The following CPS1 variants were observed in gnomAD, a reference collection of about 807,000 sequenced individuals.
CPS1 encodes the protein carbamoyl-phosphate synthase 1.
In CPS1, 109 loss-of-function variants were observed where a neutral mutation model predicts 174.6. That is an observed-to-expected ratio of 0.62 (90% CI 0.53 to 0.73). CPS1 has a LOEUF of 0.73. CPS1 is among the 30% of genes least tolerant of loss of function. The pLI is 0.00. For missense variants in CPS1, 1,689 were observed against 1,821.9 expected, an observed-to-expected ratio of 0.93 and a Z score of 1.33; for synonymous variants, 637 against 632.0, an observed-to-expected ratio of 1.01 and a Z score of -0.12.
Position 210,606,938 on chromosome 2 carries a change from C to T in CPS1, c.2189C>T (p.Thr730Ile). ...AGCTCTGCTCTGGCCTCAAAAGCCACTGGGTAAGACCAGAATAATTGACCA... is the reference window on the plus strand; with the variant it reads ...AGCTCTGCTCTGGCCTCAAAAGCCATTGGGTAAGACCAGAATAATTGACCA... Reference protein sequence around the residue: ...SRSSALASKATGYPLAFIAAK... With the variant: ...SRSSALASKAIGYPLAFIAAK... The change falls in exon 18 of 38, where the codon ACT becomes ATT. Residue 730 changes from threonine (T) to isoleucine (I), a missense_variant. Thr to Ile is a moderately conservative substitution (Grantham distance 89, BLOSUM62 -1). Coordinates refer to ENST00000233072, the MANE Select transcript of CPS1 (RefSeq NM_001875.5). 6.2e-7 allele frequency: 1 copy of T among 1,611,596 alleles called. No homozygotes were observed. The highest frequency in any genetic ancestry group is 8.5e-7 in the Non-Finnish European group (1 of 1,178,498).
At chr2:210,668,563 C>A (rs1701184041) in intron 34 of CPS1, among the ~76,000 whole-genome samples, 1 of 152,034 alleles carries the variant, frequency 6.6e-6, no homozygotes, top group African/African-American at 2.4e-5. Context: ...AAAAATGAAT[C>A]TCTTATTCTT....
chr2:210,496,805 A>G (rs530515549), intron 1 of CPS1, among the ~76,000 whole-genome samples: 3 of 152,088 alleles, frequency 2.0e-5, no homozygotes, highest in Non-Finnish European at 4.4e-5. Flanking sequence ...TCAGTGCCTC[A>G]CCTTCTCAGC....
intron 1 of CPS1, among the ~76,000 whole-genome samples, chr2:210,484,404 T>C (rs775804807): frequency 6.6e-6 from 1 of 152,204 alleles, no homozygotes; most frequent in Non-Finnish European, 1.5e-5. Flanking sequence ...AGCTTACACT[T>C]TATCCTAAAG....
intron 13 of CPS1, 139 bp downstream of exon 13, chr2:210,595,721 T>C (rs912832238): frequency 1.5e-6 from 1 of 681,826 alleles, no homozygotes; most frequent in African/African-American, 1.8e-5. Flanking sequence ...TTATAAATCT[T>C]GTATTAAAGA....
intron 1 of CPS1, among the ~76,000 whole-genome samples, chr2:210,547,453 G>A (rs576635831): frequency 2.0e-5 from 3 of 151,892 alleles, no homozygotes; most frequent in Admixed American, 1.3e-4. Flanking sequence ...ATATTATCAA[G>A]ACAAATATTG....
At position 210,556,673 on chromosome 2, in the gene CPS1, T is replaced by G. The variant is rs1696922100; in HGVS notation, c.-61T>G. On this transcript the variant is annotated 5_prime_UTR_variant, in exon 1 of 38. Coordinates refer to ENST00000233072, the MANE Select transcript of CPS1 (RefSeq NM_001875.5). Reference sequence around the variant, plus strand: ...TTTCTTTTACATTAACTAAAAAGTCTTATCACACAATCTCATAAAATTTAT... The same window carrying G: ...TTTCTTTTACATTAACTAAAAAGTCGTATCACACAATCTCATAAAATTTAT... 1 of 1,606,394 alleles carries G rather than the reference T, an allele frequency of 6.2e-7. No individual in the cohort carries two copies. The highest frequency in any genetic ancestry group is 8.5e-7 in the Non-Finnish European group (1 of 1,175,980).
At chr2:210,563,032 T>C (rs1303499841) in intron 1 of CPS1, among the ~76,000 whole-genome samples, 1 of 152,158 alleles carries the variant, frequency 6.6e-6, no homozygotes. Context: ...CAAGGACACA[T>C]GGATGCCTGT....
rs769324029 is a variant in CPS1 at position 210,588,091 on chromosome 2, A to G, written c.655A>G (p.Lys219Glu). The G allele has an allele frequency of 1.2e-5, 19 of 1,613,032 alleles. No homozygotes were observed. Among genetic ancestry groups the G allele is most frequent in the Non-Finnish European group, 1.6e-5 (19 of 1,179,274 alleles). ...AGTGTACGGCAAAGGAAACCCCACA[A>G]AAGTGGTAGCTGTAGACTGTGGGAT... is the stretch of plus-strand genomic sequence containing the variant. ...VKVYGKGNPT[K>E]VVAVDCGIKN... Residue 219 changes from lysine to glutamate, a missense_variant, in exon 7 of 38, where the codon AAA becomes GAA. By Grantham distance (56) the Lys-to-Glu change is moderately conservative. Coordinates refer to ENST00000233072, the MANE Select transcript of CPS1 (RefSeq NM_001875.5).
chr2:210,675,500 TG>T (rs1376889758), intron 35 of CPS1, among the ~76,000 whole-genome samples: 5 of 152,196 alleles, frequency 3.3e-5, no homozygotes. Flanking sequence ...ATTATTAAAA[TG>T]GAAATGCAAA....
chr2:210,674,421 A>G (rs1259837935), intron 34 of CPS1: 3 of 160,872 alleles, frequency 1.9e-5, no homozygotes, highest in African/African-American at 7.3e-5. Flanking sequence ...GTGAGCCAAG[A>G]TCGTGCCATT....
chr2:210,648,571 G>C (rs962037777), intron 27 of CPS1, 31 bp downstream of exon 27: 1 of 1,573,108 alleles, frequency 6.4e-7, no homozygotes, highest in Non-Finnish European at 8.7e-7. Flanking sequence ...CCAAAACAAT[G>C]ATTCAAAAAT....
At chr2:210,575,152 T>C (rs1311774073) in intron 2 of CPS1, among the ~76,000 whole-genome samples, 1 of 152,094 alleles carries the variant, frequency 6.6e-6, no homozygotes, top group Non-Finnish European at 1.5e-5. Context: ...ACCTTAGGGA[T>C]TGCAGAGCTG....
At chr2:210,647,004 AT>A (rs1326021644) in intron 25 of CPS1, among the ~76,000 whole-genome samples, 1 of 152,100 alleles carries the variant, frequency 6.6e-6, no homozygotes, top group Non-Finnish European at 1.5e-5. Context: ...TCTTACACAA[AT>A]GTCTGAAATA....
chr2:210,516,694 T>C (rs1243201245), intron 1 of CPS1, among the ~76,000 whole-genome samples: 1 of 151,970 alleles, frequency 6.6e-6, no homozygotes, highest in Non-Finnish European at 1.5e-5. Flanking sequence ...ACCTCATCTT[T>C]TGCATGCAGT....
intron 1 of CPS1, among the ~76,000 whole-genome samples, chr2:210,545,218 C>T (rs943661790): frequency 5.3e-5 from 8 of 152,008 alleles, no homozygotes; most frequent in Admixed American, 2.0e-4. Context: ...TAAGCTCTAA[C>T]GGTCAGAAGT....
intron 1 of CPS1, among the ~76,000 whole-genome samples, chr2:210,557,506 C>T (rs1471118123): frequency 1.3e-5 from 2 of 151,806 alleles, no homozygotes; most frequent in South Asian, 2.1e-4. Context: ...GAGGGCAAGC[C>T]CAGGAAAGAA....
At chr2:210,653,420 C>T (rs998570308) in intron 28 of CPS1, among the ~76,000 whole-genome samples, 2 of 152,110 alleles carry the variant, frequency 1.3e-5, no homozygotes, top group Non-Finnish European at 2.9e-5. Flanking sequence ...AAAGGAAGGA[C>T]TTTTGAAGAT....
rs764905536 is a variant in CPS1 at position 210,592,945 on chromosome 2, A to G, written c.1153A>G (p.Ile385Val). ...QFHPEVTPGP[I>V]DTEYLFDSFF... ...CCACCCAGAGGTCACCCCGGGGCCA[A>G]TAGACACTGAGGTACGTCAAAAAGA... The change falls in exon 11 of 38, where the codon ATA (isoleucine) becomes GTA (valine). Residue 385 changes from isoleucine to valine, a missense_variant. Transcript: ENST00000233072. The G allele has an allele frequency of 1.5e-5, 24 of 1,612,158 alleles. No individual in the cohort carries two copies. The highest frequency in any genetic ancestry group is 4.5e-5 in the East Asian group (2 of 44,792).
chr2:210,486,882 C>G (rs1474082571), intron 1 of CPS1, among the ~76,000 whole-genome samples: 2 of 152,116 alleles, frequency 1.3e-5, no homozygotes, highest in East Asian at 3.8e-4. Flanking sequence ...TGGCTTTTCA[C>G]AGCTCTTATT....
Sources: allele counts gnomAD v4.1 joint callset (sites outside exome capture counted in the v4.1 genomes callset), GRCh38; gene constraint gnomAD v4.1.1; transcripts MANE v1.5; gene names NCBI Gene and HGNC (gene_info 2026-07-23, HGNC 2026-07-21).